UGGT2: variants seen among roughly 807,000 people sequenced by gnomAD.
UGGT2 encodes UDP-glucose glycoprotein glucosyltransferase 2, also known as UDP-glucose:glycoprotein glucosyltransferase 2.
A neutral mutation model predicts 192.1 loss-of-function variants in UGGT2; 180 were observed. That is an observed-to-expected ratio of 0.94 (90% CI 0.83 to 1.06). The LOEUF (loss-of-function observed/expected upper bound fraction) is 1.06. Among genes scored for constraint, UGGT2 ranks in the 50% least tolerant of loss-of-function variants. The pLI is 0.00. For synonymous variants in UGGT2, 580 were observed against 591.0 expected (o/e 0.98, Z 0.27); for missense variants, 1,849 against 1,795.7 (o/e 1.03, Z -0.54).
intron 1 of UGGT2, among the ~76,000 whole-genome samples, chr13:96,046,317 G>A (rs34703870): frequency 0.12 from 17,655 of 152,128 alleles, 1,376 homozygotes; most frequent in Middle Eastern, 0.21. Flanking sequence ...TATCTCTCGC[G>A]TTATACAAAA....
chr13:95,912,229 C>T (rs1181895853), intron 20 of UGGT2, among the ~76,000 whole-genome samples: 1 of 152,186 alleles, frequency 6.6e-6, no homozygotes, highest in East Asian at 1.9e-4. Flanking sequence ...GTTGGAAGTT[C>T]TGGCCAGGGC....
Position 95,983,880 on chromosome 13 carries a change from C to T in UGGT2, c.1032-16G>A. ...GGTTAGAGATCTGGAAAAATGAATA[C>T]TAATATAATTGATCCTTCCTTAAAT... On this transcript the variant is annotated splice_polypyrimidine_tract_variant and intron_variant, in intron 9 of 38. Coordinates refer to ENST00000376747, the MANE Select transcript of UGGT2 (RefSeq NM_020121.4). 1.3e-6 allele frequency: 2 copies of T among 1,494,050 alleles called. No individual in the cohort carries two copies. The highest frequency in any genetic ancestry group is 1.8e-6 in the Non-Finnish European group (2 of 1,096,126). The allele number at this position is 1,494,050 out of a possible 1,614,324, so 92.5% of individuals were successfully genotyped here.
rs116469483 is a variant in UGGT2 at position 95,989,744 on chromosome 13, T to C, written c.931+229A>G. The C allele has an allele frequency of 1.3e-3, 414 of 330,204 alleles. 4 individuals are homozygous for C. The highest frequency in any genetic ancestry group is 8.2e-3 in the African/African-American group (386 of 47,136). The allele number at this position is 330,204 out of a possible 1,614,324, so 20.5% of individuals were successfully genotyped here. ...ATCAGTATATACTTTTGAAATAACA[T>C]TGAATAACCTCACTTCATATAATTT... is the stretch of plus-strand genomic sequence containing the variant. On this transcript the variant is annotated intron_variant, in intron 8 of 38. Coordinates refer to ENST00000376747, the MANE Select transcript of UGGT2 (RefSeq NM_020121.4).
chr13:95,849,416 G>A (rs983778201), intron 36 of UGGT2, among the ~76,000 whole-genome samples: 11 of 151,784 alleles, frequency 7.2e-5, no homozygotes, highest in East Asian at 1.9e-4. Flanking sequence ...GGTGGCAAGC[G>A]CCTGTAGTCC....
At chr13:96,021,547 A>G (rs1397753945) in intron 4 of UGGT2, among the ~76,000 whole-genome samples, 2 of 152,224 alleles carry the variant, frequency 1.3e-5, no homozygotes, top group African/African-American at 2.4e-5. Context: ...AAAGATGTCA[A>G]ATAATTTCAA....
chr13:96,012,582 G>A (rs978619999), intron 5 of UGGT2, among the ~76,000 whole-genome samples: 15 of 151,890 alleles, frequency 9.9e-5, no homozygotes, highest in African/African-American at 2.9e-4. Context: ...CAAAGGCTAC[G>A]GACAGGCAAT....
At chr13:96,026,660 T>C (rs1209368325) in intron 2 of UGGT2, among the ~76,000 whole-genome samples, 1 of 52,666 alleles carries the variant, frequency 1.9e-5, no homozygotes, top group Admixed American at 2.5e-4. Flanking sequence ...TTCACTCTTC[T>C]TTTTTTTTTT....
chr13:95,823,084 A>G (rs1195426366), intron 38 of UGGT2, among the ~76,000 whole-genome samples: 2 of 152,026 alleles, frequency 1.3e-5, no homozygotes, highest in Admixed American at 1.3e-4. Context: ...ATTTCCATGT[A>G]TTTGTATAGT....
chr13:96,029,292 TA>T (rs1176900582), intron 2 of UGGT2, among the ~76,000 whole-genome samples: 29 of 152,268 alleles, frequency 1.9e-4, no homozygotes, highest in African/African-American at 6.0e-4. Context: ...GTTATTTATT[TA>T]TTTATTTTTT....
intron 17 of UGGT2, among the ~76,000 whole-genome samples, chr13:95,928,204 C>T (rs1474773088): frequency 3.3e-5 from 5 of 151,976 alleles, no homozygotes; most frequent in South Asian, 2.1e-4. Context: ...GGGTGGCGGC[C>T]GGGCAGAGGC....
At chr13:95,907,111 G>T (rs957200078) in intron 20 of UGGT2, among the ~76,000 whole-genome samples, 1 of 152,194 alleles carries the variant, frequency 6.6e-6, no homozygotes, top group South Asian at 2.1e-4. Flanking sequence ...ATTCTCTCCC[G>T]TGCCCGACAC....
chr13:95,851,308 G>A (rs998724581), intron 36 of UGGT2, among the ~76,000 whole-genome samples: 7 of 152,140 alleles, frequency 4.6e-5, no homozygotes, highest in African/African-American at 1.7e-4. Flanking sequence ...AGTTAATATA[G>A]GAGTTGGGAA....
intron 25 of UGGT2, among the ~76,000 whole-genome samples, chr13:95,888,339 G>A (rs756908161): frequency 5.9e-5 from 9 of 152,156 alleles, no homozygotes; most frequent in East Asian, 1.9e-4. Flanking sequence ...TTACAACAAC[G>A]TTGGTGGTGT....
At chr13:96,017,826 C>T (rs1188133125) in intron 4 of UGGT2, among the ~76,000 whole-genome samples, 1 of 151,960 alleles carries the variant, frequency 6.6e-6, no homozygotes, top group African/African-American at 2.4e-5. Context: ...ATTTTTTTAA[C>T]TTTAAACATA....
At chr13:96,012,086 T>C (rs890851477) in intron 5 of UGGT2, among the ~76,000 whole-genome samples, 11 of 152,094 alleles carry the variant, frequency 7.2e-5, no homozygotes, top group African/African-American at 2.7e-4. Flanking sequence ...ATTAAAATGA[T>C]GTTATTTTTG....
rs114925839 is a variant in UGGT2, at chr13:95,993,064, T to C, written c.831-2991A>G. Among the ~76,000 whole-genome samples the C allele has an allele frequency of 3.9e-5, 6 of 152,328 alleles. No homozygotes were observed. In the East Asian group the frequency reaches 1.2e-3, roughly 29 times the overall value. Reference sequence around the variant, plus strand: ...CTGGAAAAAGACAATGGGATACATATACCACCATGGAAAATCCTGCCCTTT... The same window carrying C: ...CTGGAAAAAGACAATGGGATACATACACCACCATGGAAAATCCTGCCCTTT... On this transcript the variant is annotated intron_variant, in intron 7 of 38. Transcript: ENST00000376747.
intron 7 of UGGT2, among the ~76,000 whole-genome samples, chr13:95,994,200 T>C (rs953921759): frequency 1.3e-5 from 2 of 152,022 alleles, no homozygotes; most frequent in African/African-American, 4.8e-5. Context: ...CCTGTTTCTC[T>C]AAGCACACTA....
intron 12 of UGGT2, among the ~76,000 whole-genome samples, chr13:95,953,484 G>T (rs2050127702): frequency 6.6e-6 from 1 of 152,146 alleles, no homozygotes; most frequent in African/African-American, 2.4e-5. Context: ...CAGAAGGGAG[G>T]ACCAAAATTG....
intron 13 of UGGT2, among the ~76,000 whole-genome samples, chr13:95,949,040 C>G (rs2049973135): frequency 6.6e-6 from 1 of 152,164 alleles, no homozygotes; most frequent in Non-Finnish European, 1.5e-5. Flanking sequence ...CCCCTTCTGC[C>G]ATGACTGTAA....
Sources: allele counts gnomAD v4.1 joint callset (sites outside exome capture counted in the v4.1 genomes callset), GRCh38; gene constraint gnomAD v4.1.1; transcripts MANE v1.5; gene names NCBI Gene and HGNC (gene_info 2026-07-23, HGNC 2026-07-21).